HTR4: variants seen among roughly 807,000 people sequenced by gnomAD.
The protein encoded by HTR4 is 5-hydroxytryptamine (serotonin) receptor 4, G protein-coupled.
In HTR4, 16 loss-of-function variants were observed where a neutral mutation model predicts 36.8. That is an observed-to-expected ratio of 0.43 (90% CI 0.29 to 0.66). The LOEUF (loss-of-function observed/expected upper bound fraction) is 0.66. HTR4 is among the 30% of genes least tolerant of loss of function. The pLI, the probability that HTR4 is intolerant of heterozygous loss-of-function variation, is 0.13. For missense variants in HTR4, 438 were observed against 490.9 expected (o/e 0.89, Z 1.02); for synonymous variants, 189 against 185.1 (o/e 1.02, Z -0.17).
intron 5 of HTR4, among the ~76,000 whole-genome samples, chr5:148,517,695 A>G (rs1030219716): frequency 3.3e-5 from 5 of 152,148 alleles, no homozygotes; most frequent in Non-Finnish European, 7.4e-5. Context: ...TCTAAATTAC[A>G]ATCTCGATTG....
chr5:148,547,700 C>T (rs539037848), intron 4 of HTR4, among the ~76,000 whole-genome samples: 1 of 151,942 alleles, frequency 6.6e-6, no homozygotes, highest in East Asian at 1.9e-4. Context: ...CGAGACCAGC[C>T]TGGGTAACAT....
chr5:148,616,438 C>A (rs1002328346), intron 2 of HTR4, among the ~76,000 whole-genome samples: 1 of 152,078 alleles, frequency 6.6e-6, no homozygotes, highest in Non-Finnish European at 1.5e-5. Context: ...CTTTTTCCCC[C>A]TCCCATACCA....
At position 148,572,920 on chromosome 5, in the gene HTR4, G is replaced by T. The variant is rs549841894; in HGVS notation, c.27-22658C>A. Among the ~76,000 whole-genome samples, 3 of 152,186 alleles carry T rather than the reference G, an allele frequency of 2.0e-5. No individual in the cohort carries two copies. In the South Asian group the frequency reaches 6.2e-4, roughly 32 times the overall value. ...GAAGATTAAGGATACCCTGAGAATT[G>T]TCATGGATAATGATAATCCAGTGAT... is the stretch of plus-strand genomic sequence containing the variant. On this transcript the variant is annotated intron_variant, in intron 2 of 6. Coordinates refer to ENST00000377888, the MANE Select transcript of HTR4 (RefSeq NM_000870.7).
At chr5:148,565,660 A>G (rs535261911) in intron 2 of HTR4, among the ~76,000 whole-genome samples, 1 of 152,140 alleles carries the variant, frequency 6.6e-6, no homozygotes, top group Non-Finnish European at 1.5e-5. Context: ...ATACACTCAC[A>G]CCTACACGCC....
At chr5:148,612,151 T>C (rs1752460954) in intron 2 of HTR4, among the ~76,000 whole-genome samples, 1 of 152,100 alleles carries the variant, frequency 6.6e-6, no homozygotes, top group Admixed American at 6.5e-5. Flanking sequence ...TACCCAGGAA[T>C]TAAACTCAGC....
At chr5:148,623,986 T>C (rs771369985) in intron 2 of HTR4, among the ~76,000 whole-genome samples, 2 of 152,140 alleles carry the variant, frequency 1.3e-5, no homozygotes, top group African/African-American at 2.4e-5. Context: ...CTATCTGGGA[T>C]GATATAGACG....
intron 2 of HTR4, among the ~76,000 whole-genome samples, chr5:148,607,174 A>T (rs943135153): frequency 6.6e-6 from 1 of 152,168 alleles, no homozygotes; most frequent in African/African-American, 2.4e-5. Context: ...CCAATTCCTC[A>T]CTTGTAAAAT....
At chr5:148,522,520 A>T (rs753607153) in intron 5 of HTR4, among the ~76,000 whole-genome samples, 7 of 152,226 alleles carry the variant, frequency 4.6e-5, no homozygotes, top group Admixed American at 1.3e-4. Context: ...TTTCAAGATT[A>T]TATATAAAGT....
intron 6 of HTR4, among the ~76,000 whole-genome samples, chr5:148,501,939 A>T (rs747832947): frequency 6.6e-6 from 1 of 152,136 alleles, no homozygotes; most frequent in Non-Finnish European, 1.5e-5. Flanking sequence ...AGGTGCCTGT[A>T]GTCCCAGCTA....
intron 6 of HTR4, among the ~76,000 whole-genome samples, chr5:148,485,158 C>T (rs765401197): frequency 1.2e-4 from 19 of 152,262 alleles, no homozygotes; most frequent in South Asian, 6.2e-4. Context: ...TTATTAGCAA[C>T]GATAAAAACA....
intron 6 of HTR4, among the ~76,000 whole-genome samples, chr5:148,503,053 G>A (rs1757012062): frequency 6.6e-6 from 1 of 152,182 alleles, no homozygotes; most frequent in Admixed American, 6.5e-5. Flanking sequence ...ATGGAACCAA[G>A]TTGGAAAACA....
chr5:148,486,573 A>T (rs1756169356), intron 6 of HTR4, among the ~76,000 whole-genome samples: 1 of 152,188 alleles, frequency 6.6e-6, no homozygotes, highest in African/African-American at 2.4e-5. Flanking sequence ...GATCATTTGC[A>T]GCTCTGACAT....
intron 2 of HTR4, among the ~76,000 whole-genome samples, chr5:148,618,316 G>T (rs1423164433): frequency 6.6e-6 from 1 of 152,200 alleles, no homozygotes; most frequent in Admixed American, 6.5e-5. Context: ...AGGATACTGT[G>T]CAGTCAAAAG....
intron 4 of HTR4, among the ~76,000 whole-genome samples, chr5:148,538,359 G>C (rs1033249261): frequency 1.4e-4 from 21 of 152,012 alleles, no homozygotes; most frequent in Admixed American, 1.3e-4. Flanking sequence ...AATAGTATTG[G>C]AAGTCCTAGC....
At chr5:148,651,728 TA>T (rs931309056) in intron 1 of HTR4, among the ~76,000 whole-genome samples, 9 of 147,984 alleles carry the variant, frequency 6.1e-5, no homozygotes, top group African/African-American at 2.4e-4. Context: ...TATTATTGAA[TA>T]AAAATATTCA....
rs1408148935 is a variant in HTR4 at position 148,481,828 on chromosome 5, A to T, written c.*1375T>A. ...CGCAAGAGCCACTGACTCAGCTTTG[A>T]ATAAAAGACATCCAGATTAATCTGA... On this transcript the variant is annotated 3_prime_UTR_variant, in exon 7 of 7. Coordinates refer to ENST00000377888, the MANE Select transcript of HTR4 (RefSeq NM_000870.7). 1 of 1,333,580 alleles carries T rather than the reference A, an allele frequency of 7.5e-7. No individual in the cohort carries two copies. The highest frequency in any genetic ancestry group is 2.8e-5 in the East Asian group (1 of 35,528). The allele number at this position is 1,333,580 out of a possible 1,614,324, so 82.6% of individuals were successfully genotyped here. A position where few individuals can be genotyped will look rare whatever the true frequency, so the allele number is the denominator to read the frequency against.
At chr5:148,525,282 A>G (rs1266299245) in intron 4 of HTR4, among the ~76,000 whole-genome samples, 1 of 152,218 alleles carries the variant, frequency 6.6e-6, no homozygotes, top group Non-Finnish European at 1.5e-5. Flanking sequence ...GAGGTTTATT[A>G]TTAACATAGA....
At chr5:148,477,741 T>C (rs1486619224), downstream of HTR4, among the ~76,000 whole-genome samples, 4 of 152,202 alleles carry the variant, frequency 2.6e-5, no homozygotes, top group East Asian at 7.7e-4. Flanking sequence ...TTTACTTATT[T>C]CTCTGATCCC....
At chr5:148,581,246 A>T (rs1036752975) in intron 2 of HTR4, among the ~76,000 whole-genome samples, 2 of 152,010 alleles carry the variant, frequency 1.3e-5, no homozygotes, top group Non-Finnish European at 2.9e-5. Context: ...TTTGGAAATT[A>T]ATGCATTATC....
Sources: gnomAD v4.1 joint callset for allele counts (sites outside exome capture counted in the v4.1 genomes callset) on GRCh38, gnomAD v4.1.1 for gene constraint, MANE v1.5 for transcripts, NCBI Gene and HGNC (gene_info 2026-07-23, HGNC 2026-07-21) for gene names.